Variants in CALN1 observed in about 807,000 individuals in gnomAD.
The protein encoded by CALN1 is calneuron 1, also known as calcium-binding protein 8.
CALN1 carries 17 observed loss-of-function variants against 30.6 expected under a neutral mutation model. That is an observed-to-expected ratio of 0.56 (90% CI 0.38 to 0.83). CALN1 has a LOEUF of 0.83. Among genes scored for constraint, CALN1 ranks in the 40% least tolerant of loss-of-function variants. The pLI is 0.00. For synonymous variants in CALN1, 156 were observed against 131.4 expected (o/e 1.19, Z -1.28); for missense variants, 291 against 354.9 (o/e 0.82, Z 1.45).
chr7:72,116,673 G>C (rs1049897923), intron 3 of CALN1, among the ~76,000 whole-genome samples: 3 of 152,206 alleles, frequency 2.0e-5, no homozygotes, highest in Admixed American at 6.5e-5. Flanking sequence ...CACTGCATCT[G>C]TGCTGTTAAG....
chr7:72,478,969 C>T, the CALN1 span, among the ~76,000 whole-genome samples: 3 of 150,016 alleles, frequency 2.0e-5, no homozygotes, highest in Non-Finnish European at 2.9e-5. Context: ...GCAAACTCCA[C>T]CTCCCGGGTT....
At chr7:72,344,143 G>A (rs998501541) in intron 2 of CALN1, among the ~76,000 whole-genome samples, 1 of 152,104 alleles carries the variant, frequency 6.6e-6, no homozygotes, top group African/African-American at 2.4e-5. Flanking sequence ...GGGAGAAAAA[G>A]AGAGGTTCCG....
chr7:72,449,319 G>C (rs887387273), upstream of CALN1, among the ~76,000 whole-genome samples: 2 of 152,172 alleles, frequency 1.3e-5, no homozygotes, highest in Non-Finnish European at 2.9e-5. Context: ...ATCTGAGCAG[G>C]ATCATCTCTA....
Position 71,787,598 on chromosome 7 carries a change from G to A in CALN1, c.*177C>T, listed in dbSNP as rs1793047981. 1 of 728,714 alleles carries A rather than the reference G, an allele frequency of 1.4e-6. No homozygotes were observed. Among genetic ancestry groups the A allele is most frequent in the East Asian group, 2.8e-5 (1 of 36,062 alleles). 45.1% of individuals were successfully genotyped at this position (728,714 alleles called of 1,614,324 possible). A position where few individuals can be genotyped will look rare whatever the true frequency, so the allele number is the denominator to read the frequency against. On this transcript the variant is annotated 3_prime_UTR_variant, in exon 7 of 7. Coordinates refer to ENST00000395275, the MANE Select transcript of CALN1 (RefSeq NM_031468.4). Reference sequence around the variant, plus strand: ...AGCCCTTTAGTGTCCCTGCCAAGGAGATGAAGCTGAAGTGCAACCCCAGTT... The same window carrying A: ...AGCCCTTTAGTGTCCCTGCCAAGGAAATGAAGCTGAAGTGCAACCCCAGTT...
chr7:71,959,883 C>G (rs1389904150), intron 5 of CALN1, among the ~76,000 whole-genome samples: 1 of 152,048 alleles, frequency 6.6e-6, no homozygotes, highest in African/African-American at 2.4e-5. Context: ...CCTGTAATCC[C>G]AGCACTTTGG....
In CALN1 at chr7:72,039,142, A is replaced by G. The variant is rs557447960; in HGVS notation, c.389-15373T>C. On this transcript the variant is annotated intron_variant, in intron 4 of 6. Transcript: ENST00000395275. ...TCACAATTTTGGATATTTGAACCAT[A>G]TGACTTTTTACCTGTTCAAAAAGTA... Among the ~76,000 whole-genome samples the G allele has an allele frequency of 4.6e-5, 7 of 152,310 alleles. No homozygotes were observed. In the South Asian group the frequency reaches 1.5e-3, roughly 32 times the overall value.
intron 5 of CALN1, among the ~76,000 whole-genome samples, chr7:72,021,814 T>C (rs1800725470): frequency 6.6e-6 from 1 of 152,206 alleles, no homozygotes; most frequent in African/African-American, 2.4e-5. Context: ...CAGCTGTGCA[T>C]AGACTTCCTC....
At chr7:72,308,371 GGGAGA>G (rs869261276) in intron 2 of CALN1, among the ~76,000 whole-genome samples, 10 of 94,116 alleles carry the variant, frequency 1.1e-4, no homozygotes, top group African/African-American at 3.3e-4. Context: ...CTGTGGGGGG[GGGAGA>G]GAGAGAGAGA....
intron 3 of CALN1, among the ~76,000 whole-genome samples, chr7:72,252,626 G>GACAGAGGAAGGA (rs1762481286): frequency 7.1e-6 from 1 of 140,940 alleles, no homozygotes; most frequent in South Asian, 2.3e-4. Flanking sequence ...AAAAAAGAAA[G>GACAGAGGAAGGA]ACAGAGGAAG....
chr7:72,488,728 G>A, the CALN1 span, among the ~76,000 whole-genome samples: 2 of 152,120 alleles, frequency 1.3e-5, no homozygotes, highest in Non-Finnish European at 2.9e-5. Context: ...CTGTTGCCCA[G>A]GCTTGGGTAC....
chr7:71,906,576 G>C (rs935765665), intron 5 of CALN1, among the ~76,000 whole-genome samples: 2 of 152,186 alleles, frequency 1.3e-5, no homozygotes, highest in South Asian at 2.1e-4. Flanking sequence ...CCAGGCACTG[G>C]GTATCACCGA....
Position 71,790,373 on chromosome 7 carries a change from AAAGAAAGAAAGAAAGAAAG to A in CALN1, c.659-2490_659-2472del, listed in dbSNP as rs1793288770. Among the ~76,000 whole-genome samples, 12 of 25,818 alleles carry A rather than the reference AAAGAAAGAAAGAAAGAAAG, an allele frequency of 4.6e-4. 1 individual carries two copies. In the Admixed American group the frequency reaches 6.4e-3, roughly 14 times the overall value. 16.9% of individuals were successfully genotyped at this position (25,818 alleles called of 152,430 possible). On this transcript the variant is annotated intron_variant, in intron 6 of 6. Coordinates refer to ENST00000395275, the MANE Select transcript of CALN1 (RefSeq NM_031468.4). ...AAAGAAAGAAAGAAAGAAAGAAAAG[AAAGAAAGAAAGAAAGAAAG>A]AAAGAAAGAAAGAAAGAAAGAAAGA...
chr7:71,911,322 C>T (rs143101087), intron 5 of CALN1, among the ~76,000 whole-genome samples: 6 of 151,870 alleles, frequency 4.0e-5, no homozygotes, highest in African/African-American at 1.5e-4. Context: ...GAGATCTTGG[C>T]ATTGATCTGA....
At chr7:72,408,129 T>C (rs544816678) in intron 1 of CALN1, among the ~76,000 whole-genome samples, 2 of 152,144 alleles carry the variant, frequency 1.3e-5, no homozygotes, top group African/African-American at 2.4e-5. Context: ...TGGTTCCATA[T>C]TGACGTTAAA....
chr7:71,978,650 T>C (rs1466295687), intron 5 of CALN1, among the ~76,000 whole-genome samples: 1 of 152,168 alleles, frequency 6.6e-6, no homozygotes, highest in African/African-American at 2.4e-5. Flanking sequence ...TCACGAGACC[T>C]ATTGTTGACA....
chr7:72,493,583 T>A, the CALN1 span, among the ~76,000 whole-genome samples: 3 of 152,090 alleles, frequency 2.0e-5, no homozygotes, highest in Non-Finnish European at 4.4e-5. Context: ...AGGTGATCCA[T>A]CCGCCTCAGC....
intron 2 of CALN1, among the ~76,000 whole-genome samples, chr7:72,393,454 A>T (rs1805711680): frequency 6.6e-6 from 1 of 152,058 alleles, no homozygotes; most frequent in Non-Finnish European, 1.5e-5. Context: ...AGAGAGCAAG[A>T]CTCCGTCTCA....
intron 5 of CALN1, among the ~76,000 whole-genome samples, chr7:71,991,060 G>A (rs767258636): frequency 9.3e-5 from 14 of 151,228 alleles, no homozygotes; most frequent in Non-Finnish European, 1.8e-4. Flanking sequence ...GGGGGGGGTC[G>A]ACAAATATGA....
intron 3 of CALN1, among the ~76,000 whole-genome samples, chr7:72,193,199 A>C (rs182215315): frequency 1.6e-5 from 2 of 121,628 alleles, no homozygotes; most frequent in Non-Finnish European, 4.0e-5. Flanking sequence ...AAAAAAAAGA[A>C]AAGAGAAAAA....
Sources: gnomAD v4.1 joint callset for allele counts (sites outside exome capture counted in the v4.1 genomes callset) on GRCh38, gnomAD v4.1.1 for gene constraint, MANE v1.5 for transcripts, NCBI Gene and HGNC (gene_info 2026-07-23, HGNC 2026-07-21) for gene names.